RCC1: variants seen among roughly 807,000 people sequenced by gnomAD.
The protein encoded by RCC1 is regulator of chromosome condensation 1.
RCC1 carries 11 observed loss-of-function variants against 44.4 expected under a neutral mutation model. That is an observed-to-expected ratio of 0.25 (90% CI 0.16 to 0.41). The LOEUF is 0.41. Among genes scored for constraint, RCC1 ranks in the 10% least tolerant of loss-of-function variants. RCC1 has a pLI of 1.00. For synonymous variants in RCC1, 213 were observed against 216.5 expected (o/e 0.98, Z 0.14); for missense variants, 386 against 547.1 (o/e 0.71, Z 2.94).
chr1:28,517,113 C>G lies in RCC1; in HGVS notation c.-10+246C>G, dbSNP rs1662940596. On this transcript the variant is annotated intron_variant, in intron 4 of 12. Transcript: ENST00000683442. ...TCCAGCCCGGGTGACAAGAGCAAGA[C>G]TCGATCTCAAAAAAAAAAAAAGTTC... Among the ~76,000 whole-genome samples the G allele has an allele frequency of 2.0e-5, 3 of 151,276 alleles. No homozygotes were observed. In the South Asian group the frequency reaches 6.2e-4, roughly 32 times the overall value.
chr1:28,534,636 A>G (rs754109035), intron 7 of RCC1, among the ~76,000 whole-genome samples: 25 of 152,062 alleles, frequency 1.6e-4, no homozygotes, highest in Non-Finnish European at 2.8e-4. Context: ...TTGTGCCACC[A>G]CGCCCAGCTA....
At position 28,538,100 on chromosome 1, in the gene RCC1, C is replaced by T. The variant is rs928052428; in HGVS notation, c.*93C>T. ...CTGCAGATGGCAGCGGGCCTCTCCC[C>T]AGCCCTGAGCACTGTGTCAGTTCCT... On this transcript the variant is annotated 3_prime_UTR_variant, in exon 13 of 13. Coordinates refer to ENST00000683442, the MANE Select transcript of RCC1 (RefSeq NM_001381865.2). 8.8e-6 allele frequency: 10 copies of T among 1,139,286 alleles called. No individual in the cohort carries two copies. The highest frequency in any genetic ancestry group is 1.2e-5 in the Non-Finnish European group (10 of 802,300). The allele number at this position is 1,139,286 out of a possible 1,614,324, so 70.6% of individuals were successfully genotyped here.
intron 4 of RCC1, among the ~76,000 whole-genome samples, chr1:28,528,844 CTTTTT>C (rs59005617): frequency 5.7e-5 from 5 of 87,226 alleles, no homozygotes; most frequent in African/African-American, 1.1e-4. Flanking sequence ...GTTTTTCTTC[CTTTTT>C]TTTTTTTTTT....
At chr1:28,526,921 A>T in intron 4 of RCC1, 1 of 815,004 alleles carries the variant, frequency 1.2e-6, no homozygotes, top group Non-Finnish European at 2.1e-6. Context: ...AAAGAAAGAA[A>T]TCCAAAGGAT....
rs1025681237 is a variant in RCC1 at position 28,511,252 on chromosome 1, CAT to C, written c.-153+2349_-153+2350del. Among the ~76,000 whole-genome samples, 83 of 152,108 alleles carry C rather than the reference CAT, an allele frequency of 5.5e-4. 1 individual carries two copies. Among genetic ancestry groups the C allele is most frequent in the African/African-American group, 1.7e-3 (69 of 41,412 alleles). On this transcript the variant is annotated intron_variant, in intron 3 of 12. Transcript: ENST00000683442. ...TCACAAAATAAGTGATAAACTACCT[CAT>C]AGAGTTGTAATAAGGACAAAGGAGT...
intron 4 of RCC1, chr1:28,526,637 T>G (rs1238572839): frequency 4.0e-6 from 2 of 497,624 alleles, no homozygotes; most frequent in East Asian, 6.9e-5. Context: ...GGCTCACACC[T>G]GTAATCCCAG....
At chr1:28,531,713 T>C in intron 5 of RCC1, 90 bp from the exon 6 acceptor site, 1 of 1,117,946 alleles carries the variant, frequency 8.9e-7, no homozygotes, top group Non-Finnish European at 1.2e-6. Flanking sequence ...AGCAGGGGCT[T>C]CTGCACAGGT....
In RCC1 at chr1:28,509,204, A is replaced by C. The variant is rs139453301; in HGVS notation, c.-153+299A>C. 577 of 284,836 alleles carry C rather than the reference A, an allele frequency of 2.0e-3. 13 individuals are homozygous for C. The highest frequency in any genetic ancestry group is 0.012 in the African/African-American group (531 of 44,988). The allele number at this position is 284,836 out of a possible 1,614,324, so 17.6% of individuals were successfully genotyped here. ...TTTAGCTAGGAATGCACATTCTTTC[A>C]CCTCATTCATACTTTAAGAACCACA... On this transcript the variant is annotated intron_variant, in intron 3 of 12. Transcript: ENST00000683442.
chr1:28,535,765 A>T, intron 9 of RCC1, 106 bp from the exon 10 acceptor site: 1 of 1,226,656 alleles, frequency 8.2e-7, no homozygotes, highest in Non-Finnish European at 1.2e-6. Flanking sequence ...AAGAGTCCCT[A>T]CTTAGCCTCT....
chr1:28,515,884 TA>T (rs1320890093), intron 3 of RCC1, among the ~76,000 whole-genome samples: 1 of 151,634 alleles, frequency 6.6e-6, no homozygotes, highest in African/African-American at 2.4e-5. Flanking sequence ...CGGTCTCTAC[TA>T]AAAATACACA....
At chr1:28,530,667 G>A (rs887134970) in intron 5 of RCC1, 4 of 1,463,156 alleles carry the variant, frequency 2.7e-6, no homozygotes, top group Non-Finnish European at 9.3e-7. Flanking sequence ...GCTCCTCAGC[G>A]GTGGCCACAT....
At chr1:28,509,055 A>G (rs1662288571) in intron 3 of RCC1, 150 bp downstream of exon 3, 1 of 368,580 alleles carries the variant, frequency 2.7e-6, no homozygotes, top group South Asian at 2.1e-5. Context: ...CTGCAACCTC[A>G]GCCTCCCAAG....
intron 4 of RCC1, among the ~76,000 whole-genome samples, chr1:28,523,094 T>C (rs1028715468): frequency 7.0e-6 from 1 of 142,984 alleles, no homozygotes. Context: ...TGCAGTGGCG[T>C]GATCTCGACT....
chr1:28,536,360 A>G lies in RCC1; in HGVS notation c.916A>G (p.Thr306Ala). 6.2e-7 allele frequency: 1 copy of G among 1,614,026 alleles called. No individual in the cohort carries two copies. Residue 306 changes from threonine to alanine, a missense_variant, in exon 11 of 13, where the codon ACA (threonine) becomes GCA (alanine). By Grantham distance (58) the Thr-to-Ala change is moderately conservative. Transcript: ENST00000683442. This position sits in a 1 kb window ranked among gnomAD's most constrained non-coding sequence, Gnocchi z 4.9. ...GGGCTTCTCTGGTGGCCAGCACCAT[A>G]CAGTCTGCATGGATTCGGAAGGTAG... ...WVGFSGGQHH[T>A]VCMDSEGKAY...
chr1:28,515,216 G>A (rs1662819334), intron 3 of RCC1, among the ~76,000 whole-genome samples: 1 of 152,022 alleles, frequency 6.6e-6, no homozygotes, highest in South Asian at 2.1e-4. Flanking sequence ...CTTGAACCCA[G>A]GAGGCAGAGA....
rs1037389740 is a variant in RCC1, at chr1:28,532,041, C to T, written c.261+51C>T. The T allele has an allele frequency of 1.9e-6, 3 of 1,554,006 alleles. No individual in the cohort carries two copies. In the Admixed American group the frequency reaches 5.6e-5, roughly 29 times the overall value. ...TTGGACAAGGCCTGGGGTTGGGTGG[C>T]TTGGGGCAGGGCTTTTGAACCACGC... On this transcript the variant is annotated intron_variant, in intron 6 of 12. Transcript: ENST00000683442.
intron 3 of RCC1, among the ~76,000 whole-genome samples, chr1:28,512,686 T>C (rs1246923419): frequency 1.3e-5 from 2 of 152,164 alleles, no homozygotes; most frequent in East Asian, 3.9e-4. Context: ...CTGGTATGTT[T>C]TGTTTTCATT....
intron 5 of RCC1, 107 bp from the exon 6 acceptor site, chr1:28,531,696 G>A: frequency 1.1e-6 from 1 of 870,954 alleles, no homozygotes. Flanking sequence ...CTAACAGTCT[G>A]TGGCAGAGCA....
intron 7 of RCC1, among the ~76,000 whole-genome samples, chr1:28,533,093 C>T (rs1393294322): frequency 3.9e-5 from 6 of 152,126 alleles, no homozygotes; most frequent in South Asian, 2.1e-4. Context: ...GGATTACAGG[C>T]GTGGGCCACC....
Sources: allele counts gnomAD v4.1 joint callset (sites outside exome capture counted in the v4.1 genomes callset), GRCh38; gene constraint gnomAD v4.1.1; non-coding constraint Gnocchi (gnomAD v3.1); transcripts MANE v1.5; gene names NCBI Gene and HGNC (gene_info 2026-07-23, HGNC 2026-07-21).